SLC35F3: variants seen among roughly 807,000 people sequenced by gnomAD.
The protein encoded by SLC35F3 is solute carrier family 35 member F3.
SLC35F3 carries 25 observed loss-of-function variants against 49.9 expected under a neutral mutation model. The observed-to-expected ratio is 0.50, with a 90% CI of 0.37 to 0.70. SLC35F3 has a LOEUF of 0.70. SLC35F3 is among the 30% of genes least tolerant of loss of function. The probability of loss-of-function intolerance (pLI) is 0.00; values close to 1 mark genes in which losing one functional copy is unlikely to be tolerated. For missense variants in SLC35F3, 525 were observed against 639.8 expected (o/e 0.82, Z 1.94); for synonymous variants, 275 against 265.4 (o/e 1.04, Z -0.35).
Position 234,134,166 on chromosome 1 carries a change from G to A in SLC35F3, c.284-97251G>A, listed in dbSNP as rs151196776. On this transcript the variant is annotated intron_variant, in intron 2 of 7. Transcript: ENST00000366618. ...TTATTTTAACCATCCATTATATAGCGATTACTATTGTAGGCACTGAAGATG... is the reference window on the plus strand; with the variant it reads ...TTATTTTAACCATCCATTATATAGCAATTACTATTGTAGGCACTGAAGATG... 2.6e-3 allele frequency among the ~76,000 whole-genome samples: 402 copies of A among 151,818 alleles called. 1 individual carries two copies. In the Middle Eastern group the frequency reaches 0.027, roughly 10 times the overall value.
chr1:234,268,808 C>T (rs1668050589), intron 3 of SLC35F3: 1 of 152,204 alleles, frequency 6.6e-6, no homozygotes, highest in Admixed American at 6.5e-5. Context: ...CAGTAGACTT[C>T]TCCATGGAGG....
chr1:234,147,776 G>A (rs926878169), intron 2 of SLC35F3, among the ~76,000 whole-genome samples: 1 of 152,196 alleles, frequency 6.6e-6, no homozygotes, highest in Non-Finnish European at 1.5e-5. Context: ...TAGAGGCGTG[G>A]TTTTCAAGCT....
chr1:234,178,392 AT>A lies in SLC35F3; in HGVS notation c.284-53023del, dbSNP rs1276962947. Among the ~76,000 whole-genome samples the A allele has an allele frequency of 1.3e-4, 19 of 149,774 alleles. No individual in the cohort carries two copies. The South Asian group carries it at 3.4e-3, about 27-fold the overall frequency. ...CTGGCCATTTTCAGCTGCCATTTAT[AT>A]TGTTTCTCTCATTGACCTTCTCAGA... On this transcript the variant is annotated intron_variant, in intron 2 of 7. Transcript: ENST00000366618.
intron 2 of SLC35F3, among the ~76,000 whole-genome samples, chr1:234,180,278 T>C (rs991110890): frequency 6.6e-6 from 1 of 152,198 alleles, no homozygotes; most frequent in African/African-American, 2.4e-5. Context: ...GATCTTAGGG[T>C]CAGTGCATGC....
chr1:234,097,864 T>G (rs1665147546), intron 2 of SLC35F3, among the ~76,000 whole-genome samples: 2 of 152,218 alleles, frequency 1.3e-5, no homozygotes, highest in South Asian at 4.1e-4. Flanking sequence ...TGAAGAGACA[T>G]GTCAGTGTCT....
chr1:234,106,241 T>TGG (rs1665283051), intron 2 of SLC35F3, among the ~76,000 whole-genome samples: 1 of 152,246 alleles, frequency 6.6e-6, no homozygotes, highest in Non-Finnish European at 1.5e-5. Context: ...TGTGGCCCAG[T>TGG]TCTGGGCAAC....
At chr1:233,930,902 G>A (rs34905846) in intron 2 of SLC35F3, among the ~76,000 whole-genome samples, 67,903 of 151,876 alleles carry the variant, frequency 0.45, 16,336 homozygotes, top group Non-Finnish European at 0.54. Context: ...AAAATAAGGG[G>A]CTGGTCAAAA....
At chr1:234,109,397 A>G (rs1175200720) in intron 2 of SLC35F3, among the ~76,000 whole-genome samples, 1 of 152,168 alleles carries the variant, frequency 6.6e-6, no homozygotes, top group East Asian at 1.9e-4. Context: ...GAGGCACATG[A>G]AAGAAGGTGG....
In SLC35F3 at chr1:234,320,200, G is replaced by A. The variant is rs374042969; in HGVS notation, c.1237+13G>A. On this transcript the variant is annotated intron_variant, in intron 7 of 7. Coordinates refer to ENST00000366618, the MANE Select transcript of SLC35F3 (RefSeq NM_173508.4). The surrounding 1 kb of genome is among the most constrained non-coding windows in gnomAD (Gnocchi z 4.8). Reference sequence around the variant, plus strand: ...CCTGTGAATGCAGGTAAACCTATGCGGCTTTCTATATCTGCACATAAGCAC... The same window carrying A: ...CCTGTGAATGCAGGTAAACCTATGCAGCTTTCTATATCTGCACATAAGCAC... The A allele has an allele frequency of 1.4e-5, 23 of 1,598,858 alleles. No homozygotes were observed. Among genetic ancestry groups the A allele is most frequent in the East Asian group, 1.3e-4 (6 of 44,838 alleles).
chr1:233,965,154 A>T (rs1662881898), intron 2 of SLC35F3, among the ~76,000 whole-genome samples: 1 of 152,238 alleles, frequency 6.6e-6, no homozygotes, highest in South Asian at 2.1e-4. Context: ...ATGTACAACT[A>T]AAGCAATTCT....
In SLC35F3 at chr1:234,310,413, T is replaced by C. The variant is rs868571494; in HGVS notation, c.828+1093T>C. On this transcript the variant is annotated intron_variant, in intron 4 of 7. Transcript: ENST00000366618. ...ACCCAAACAGCAGTGGGGACGTGAG[T>C]CAACTTCTGAGTTATATTTTTAGCT... Among the ~76,000 whole-genome samples the C allele has an allele frequency of 4.4e-4, 67 of 152,296 alleles. 1 individual carries two copies. The highest frequency in any genetic ancestry group is 3.4e-3 in the Middle Eastern group (1 of 294).
At chr1:234,074,615 C>T (rs1354272325) in intron 2 of SLC35F3, among the ~76,000 whole-genome samples, 1 of 152,104 alleles carries the variant, frequency 6.6e-6, no homozygotes, top group Non-Finnish European at 1.5e-5. Context: ...GGGTGGAGCT[C>T]AAGCGGAATT....
intron 2 of SLC35F3, among the ~76,000 whole-genome samples, chr1:234,131,447 C>G (rs971025931): frequency 2.0e-5 from 3 of 152,152 alleles, no homozygotes; most frequent in East Asian, 1.9e-4. Flanking sequence ...ACCCAGCCCC[C>G]CTTCCCCCCA....
At chr1:234,210,317 C>A (rs915320570) in intron 2 of SLC35F3, among the ~76,000 whole-genome samples, 7 of 151,978 alleles carry the variant, frequency 4.6e-5, no homozygotes, top group African/African-American at 1.7e-4. Context: ...AAATTGGTAC[C>A]AGTAAAGTGA....
At chr1:234,088,018 T>C (rs748502275) in intron 2 of SLC35F3, among the ~76,000 whole-genome samples, 1 of 152,250 alleles carries the variant, frequency 6.6e-6, no homozygotes. Flanking sequence ...TATTCTTCTA[T>C]ATTTACTTCT....
At chr1:234,232,716 A>G (rs1667404560) in intron 3 of SLC35F3, among the ~76,000 whole-genome samples, 1 of 151,724 alleles carries the variant, frequency 6.6e-6, no homozygotes, top group South Asian at 2.1e-4. Flanking sequence ...ATAACCCCAT[A>G]AGATTGCTAT....
intron 2 of SLC35F3, among the ~76,000 whole-genome samples, chr1:233,970,457 A>G (rs1177569322): frequency 6.6e-6 from 1 of 152,164 alleles, no homozygotes; most frequent in East Asian, 1.9e-4. Context: ...GGGCTTTTGA[A>G]TGAGGTGAAT....
intron 2 of SLC35F3, chr1:234,212,957 C>A (rs1200505482): frequency 1.3e-5 from 2 of 152,214 alleles, no homozygotes; most frequent in Non-Finnish European, 2.9e-5. Flanking sequence ...CCCTATATAC[C>A]TTTTCCTTGG....
intron 2 of SLC35F3, among the ~76,000 whole-genome samples, chr1:234,041,670 A>G (rs1478016388): frequency 2.0e-5 from 3 of 152,204 alleles, no homozygotes; most frequent in Non-Finnish European, 4.4e-5. Flanking sequence ...TGCACATTTT[A>G]TAACAAAGAT....
Sources: allele counts gnomAD v4.1 joint callset (sites outside exome capture counted in the v4.1 genomes callset), GRCh38; gene constraint gnomAD v4.1.1; non-coding constraint Gnocchi (gnomAD v3.1); transcripts MANE v1.5; gene names NCBI Gene and HGNC (gene_info 2026-07-23, HGNC 2026-07-21).